Variants in LINGO4 observed in about 807,000 individuals in gnomAD.
LINGO4 encodes leucine rich repeat and Ig domain containing 4.
LINGO4 carries 22 observed loss-of-function variants against 27.9 expected under a neutral mutation model. That is an observed-to-expected ratio of 0.79 (90% confidence interval 0.56 to 1.13). The LOEUF (loss-of-function observed/expected upper bound fraction) is 1.13. LINGO4 is among the 50% of genes most tolerant of loss of function. The pLI, the probability that LINGO4 is intolerant of heterozygous loss-of-function variation, is 0.00. For missense variants in LINGO4, 706 were observed against 739.4 expected, an observed-to-expected ratio of 0.95 and a Z score of 0.52; for synonymous variants, 306 against 325.8, an observed-to-expected ratio of 0.94 and a Z score of 0.65.
intron 1 of LINGO4, among the ~76,000 whole-genome samples, chr1:151,804,263 T>A (rs1651227094): frequency 6.6e-6 from 1 of 152,140 alleles, no homozygotes; most frequent in Non-Finnish European, 1.5e-5. Context: ...TTGTCCTAGT[T>A]GGGAAACTAA....
At chr1:151,804,066 C>G (rs1651221585) in intron 1 of LINGO4, among the ~76,000 whole-genome samples, 1 of 152,186 alleles carries the variant, frequency 6.6e-6, no homozygotes, top group Non-Finnish European at 1.5e-5. Context: ...TCCTGATCAC[C>G]TTTGGGCTTG....
In LINGO4 at chr1:151,802,573, C is replaced by G; in HGVS notation, c.132G>C (p.Val44=). 6.2e-7 allele frequency: 1 copy of G among 1,600,066 alleles called. No homozygotes were observed. Residue 44 remains valine, a synonymous_variant, in exon 2 of 2, where the codon GTG becomes GTC. Coordinates refer to ENST00000368820, the MANE Select transcript of LINGO4 (RefSeq NM_001004432.4). ...CCTCCAGTTGCCTGTGGCCACAGAG[C>G]ACAGCCTGGGGCTGGGAGGTGCAGT... The part of the protein sequence containing the change: ...VCDCTSQPQA[V]LCGHRQLEAV...
At position 151,801,560 on chromosome 1, in the gene LINGO4, G is replaced by A. The variant is rs921704647; in HGVS notation, c.1145C>T (p.Pro382Leu). Residue 382 changes from proline (P) to leucine (L), a missense_variant, in exon 2 of 2, where the codon CCC (proline) becomes CTC (leucine). Physicochemically the swap from Pro to Leu is moderately conservative, Grantham distance 98. Transcript: ENST00000368820. The surrounding 1 kb of genome is among the most constrained non-coding windows in gnomAD (Gnocchi z 5.7). ...ATGATGGGGGCCAGCACAGGCAGGG[G>A]GGGACATGCCAAAGTCCAGGTGGCG... is the stretch of plus-strand genomic sequence containing the variant. ...LRRHLDFGMSPPACAGPHHVQ... is the reference protein window; with the variant it reads ...LRRHLDFGMSLPACAGPHHVQ... 3 of 1,613,664 alleles carry A rather than the reference G, an allele frequency of 1.9e-6. No homozygotes were observed. The highest frequency in any genetic ancestry group is 1.3e-5 in the African/African-American group (1 of 74,960).
Position 151,802,204 on chromosome 1 carries a change from G to A in LINGO4, c.501C>T (p.His167=), listed in dbSNP as rs1411706596. 2 of 1,614,176 alleles carry A rather than the reference G, an allele frequency of 1.2e-6. No individual in the cohort carries two copies. The highest frequency in any genetic ancestry group is 1.7e-6 in the Non-Finnish European group (2 of 1,180,038). ...AGGCCCCCGGAGCCACAAATACCAG[G>A]TGGTTGTCCCCAACCTCCAGCTTCT... ...SLQKLEVGDN[H]LVFVAPGAFA... The change falls in exon 2 of 2, where the codon CAC becomes CAT. Residue 167 remains histidine, a synonymous_variant. Transcript: ENST00000368820.
chr1:151,801,807 C>T lies in LINGO4; in HGVS notation c.898G>A (p.Val300Met). 1 of 1,614,236 alleles carries T rather than the reference C, an allele frequency of 6.2e-7. No individual in the cohort carries two copies. The highest frequency in any genetic ancestry group is 1.1e-5 in the South Asian group (1 of 91,092). Residue 300 changes from valine (V) to methionine (M), a missense_variant, in exon 2 of 2, where the codon GTG becomes ATG. By Grantham distance (21) the Val-to-Met change is conservative. Coordinates refer to ENST00000368820, the MANE Select transcript of LINGO4 (RefSeq NM_001004432.4). The surrounding 1 kb of genome is among the most constrained non-coding windows in gnomAD (Gnocchi z 5.7). ...GACAGGCGTAGCTCCTGGAGCCGCA[C>T]CAGGGGGCTGAGCCTTCGGGCTGGG... ...AIPARRLSPL[V>M]RLQELRLSGA...
intron 1 of LINGO4, among the ~76,000 whole-genome samples, chr1:151,804,050 C>T (rs1033855857): frequency 7.9e-5 from 12 of 152,162 alleles, no homozygotes; most frequent in African/African-American, 7.2e-5. Context: ...CTCTGCTGAG[C>T]GGCAATCCTG....
At chr1:151,804,069 T>G (rs1452253043) in intron 1 of LINGO4, among the ~76,000 whole-genome samples, 1 of 152,188 alleles carries the variant, frequency 6.6e-6, no homozygotes, top group African/African-American at 2.4e-5. Context: ...TGATCACCTT[T>G]GGGCTTGTGG....
At chr1:151,802,803 G>C in intron 1 of LINGO4, 86 bp from the exon 2 acceptor site, 1 of 969,974 alleles carries the variant, frequency 1.0e-6, no homozygotes, top group Non-Finnish European at 1.5e-6. Context: ...TTAGAGAGGA[G>C]AGAAATTGGT....
chr1:151,803,687 C>T (rs1651211110), intron 1 of LINGO4, among the ~76,000 whole-genome samples: 1 of 152,128 alleles, frequency 6.6e-6, no homozygotes, highest in Non-Finnish European at 1.5e-5. Flanking sequence ...GATTGTGGAC[C>T]AGGGAGCATA....
At position 151,800,959 on chromosome 1, in the gene LINGO4, G is replaced by A. The variant is rs777023320; in HGVS notation, c.1746C>T (p.Asn582=). The change falls in exon 2 of 2, where the codon AAC becomes AAT. Residue 582 remains asparagine, a synonymous_variant. Transcript: ENST00000368820. Reference sequence around the variant, plus strand: ...TGGCAGTGACCCGGTTACCCCCAGAGTTTTTATCCCCAGAGGGCCGAGGTG... The same window carrying A: ...TGGCAGTGACCCGGTTACCCCCAGAATTTTTATCCCCAGAGGGCCGAGGTG... ...FVAPRPSGDK[N]SGGNRVTAKL... is the part of the protein sequence containing the mutation. The A allele has an allele frequency of 1.2e-6, 2 of 1,613,002 alleles. No individual in the cohort carries two copies. The highest frequency in any genetic ancestry group is 1.3e-5 in the African/African-American group (1 of 74,896).
intron 1 of LINGO4, among the ~76,000 whole-genome samples, chr1:151,803,700 T>G (rs1470218773): frequency 2.6e-5 from 4 of 152,140 alleles, no homozygotes; most frequent in South Asian, 2.1e-4. Flanking sequence ...GGAGCATAGA[T>G]AAGTGAGGAG....
chr1:151,804,375 C>T (rs1172541421), intron 1 of LINGO4, among the ~76,000 whole-genome samples: 1 of 152,158 alleles, frequency 6.6e-6, no homozygotes. Context: ...ACTCTTCTCG[C>T]CCCAAACTGA....
At chr1:151,804,712 G>A (rs148151006) in intron 1 of LINGO4, among the ~76,000 whole-genome samples, 104 of 152,266 alleles carry the variant, frequency 6.8e-4, no homozygotes, top group Non-Finnish European at 1.2e-3. Context: ...ACCGGCTTCC[G>A]GCCACTTTGC....
At position 151,801,673 on chromosome 1, in the gene LINGO4, G is replaced by T; in HGVS notation, c.1032C>A (p.Phe344Leu). ...NALQTLEETA[F>L]PSPDKLVTLR... Reference sequence around the variant, plus strand: ...AGGTGACCAGTTTGTCTGGAGAAGGGAAAGCTGTTTCCTCTAGTGTCTGAA... The same window carrying T: ...AGGTGACCAGTTTGTCTGGAGAAGGTAAAGCTGTTTCCTCTAGTGTCTGAA... The change falls in exon 2 of 2, where the codon TTC (phenylalanine) becomes TTA (leucine). Residue 344 changes from phenylalanine to leucine, a missense_variant. Transcript: ENST00000368820. This position sits in a 1 kb window ranked among gnomAD's most constrained non-coding sequence, Gnocchi z 5.7. 2 of 1,614,232 alleles carry T rather than the reference G, an allele frequency of 1.2e-6. No homozygotes were observed. The highest frequency in any genetic ancestry group is 1.7e-6 in the Non-Finnish European group (2 of 1,180,046).
In LINGO4 at chr1:151,802,415, G is replaced by A. The variant is rs766966911; in HGVS notation, c.290C>T (p.Ser97Leu). 15 of 1,614,216 alleles carry A rather than the reference G, an allele frequency of 9.3e-6. No homozygotes were observed. The highest frequency in any genetic ancestry group is 1.3e-5 in the Non-Finnish European group (15 of 1,180,050). ...QELDLSYNQL[S>L]TLEPGAFHGL... ...ATGGAAGGCCCCAGGCTCAAGGGTT[G>A]AGAGCTGGTTGTAGCTGAGGTCCAA... is the stretch of plus-strand genomic sequence containing the variant. Residue 97 changes from serine (S) to leucine (L), a missense_variant, in exon 2 of 2, where the codon TCA becomes TTA. Coordinates refer to ENST00000368820, the MANE Select transcript of LINGO4 (RefSeq NM_001004432.4).
In LINGO4 at chr1:151,801,554, G is replaced by C; in HGVS notation, c.1151C>G (p.Ala384Gly). ...RHLDFGMSPP[A>G]CAGPHHVQGK... ...CTGGACATGATGGGGGCCAGCACAG[G>C]CAGGGGGGGACATGCCAAAGTCCAG... Residue 384 changes from alanine to glycine, a missense_variant, in exon 2 of 2, where the codon GCC (alanine) becomes GGC (glycine). Ala to Gly is a moderately conservative substitution (Grantham distance 60). Transcript: ENST00000368820. The surrounding 1 kb of genome is among the most constrained non-coding windows in gnomAD (Gnocchi z 5.7). 6.2e-7 allele frequency: 1 copy of C among 1,613,778 alleles called. No homozygotes were observed. The highest frequency in any genetic ancestry group is 8.5e-7 in the Non-Finnish European group (1 of 1,180,002).
chr1:151,800,726 A>G lies in LINGO4; in HGVS notation c.*197T>C. ...GCATCTGCAGCTCCCTGGGACCCTCAGAGAAGAAATGACAATGCTATCCTC... is the reference window on the plus strand; with the variant it reads ...GCATCTGCAGCTCCCTGGGACCCTCGGAGAAGAAATGACAATGCTATCCTC... On this transcript the variant is annotated 3_prime_UTR_variant, in exon 2 of 2. Transcript: ENST00000368820. The G allele has an allele frequency of 1.8e-6, 1 of 570,330 alleles. No individual in the cohort carries two copies. Among genetic ancestry groups the G allele is most frequent in the Non-Finnish European group, 3.1e-6 (1 of 325,958 alleles). 35.3% of individuals were successfully genotyped at this position (570,330 alleles called of 1,614,324 possible). A position where few individuals can be genotyped will look rare whatever the true frequency, so the allele number is the denominator to read the frequency against.
Position 151,800,581 on chromosome 1 carries a change from A to AAT in LINGO4, c.*341_*342insAT, listed in dbSNP as rs1406397612. 1 of 225,980 alleles carries AAT rather than the reference A, an allele frequency of 4.4e-6. No individual in the cohort carries two copies. Among genetic ancestry groups the AAT allele is most frequent in the African/African-American group, 2.3e-5 (1 of 44,078 alleles). 14.0% of individuals were successfully genotyped at this position (225,980 alleles called of 1,614,324 possible). A position where few individuals can be genotyped will look rare whatever the true frequency, so the allele number is the denominator to read the frequency against. On this transcript the variant is annotated 3_prime_UTR_variant, in exon 2 of 2. Coordinates refer to ENST00000368820, the MANE Select transcript of LINGO4 (RefSeq NM_001004432.4). Reference sequence around the variant, plus strand: ...AGCCGTGGTTGGCAATTGGTTATTAAAGGATATAAGCATGTGTGAAGAAAG... The same window carrying AAT: ...AGCCGTGGTTGGCAATTGGTTATTAAATAGGATATAAGCATGTGTGAAGAAAG...
At position 151,802,519 on chromosome 1, in the gene LINGO4, A is replaced by G. The variant is rs1224032527; in HGVS notation, c.186T>C (p.Thr62=). ...GGTTCCCACTCAGGTCCAGGAGCTC[A>G]GTGTCCAGTGGGAGTCCTCCAGGTA... ...EAVPGGLPLD[T]ELLDLSGNRL... Residue 62 remains threonine, a synonymous_variant, in exon 2 of 2, where the codon ACT becomes ACC. Transcript: ENST00000368820. The G allele has an allele frequency of 6.2e-7, 1 of 1,609,880 alleles. No homozygotes were observed. Among genetic ancestry groups the G allele is most frequent in the South Asian group, 1.1e-5 (1 of 90,464 alleles).
Sources: allele counts gnomAD v4.1 joint callset (sites outside exome capture counted in the v4.1 genomes callset), GRCh38; gene constraint gnomAD v4.1.1; non-coding constraint Gnocchi (gnomAD v3.1); transcripts MANE v1.5; gene names NCBI Gene and HGNC (gene_info 2026-07-23, HGNC 2026-07-21).